GRIP1: variants seen among roughly 807,000 people sequenced by gnomAD.
GRIP1 encodes the protein glutamate receptor-interacting protein 1.
Under a neutral mutation model 129.9 loss-of-function variants are expected in GRIP1, and 45 were observed. The observed-to-expected ratio is 0.35, with a 90% CI of 0.27 to 0.44. The LOEUF (loss-of-function observed/expected upper bound fraction) is 0.44, where lower values mean the gene tolerates loss of function less well. GRIP1 is among the 20% of genes least tolerant of loss of function. The pLI, the probability that GRIP1 is intolerant of heterozygous loss-of-function variation, is 1.00. For missense variants in GRIP1, 1,196 were observed against 1,396.8 expected (o/e 0.86, Z 2.29); for synonymous variants, 530 against 520.8 (o/e 1.02, Z -0.24).
intron 1 of GRIP1, among the ~76,000 whole-genome samples, chr12:66,707,802 C>G (rs1229428769): frequency 6.6e-6 from 1 of 151,852 alleles, no homozygotes; most frequent in Non-Finnish European, 1.5e-5. Flanking sequence ...GAACAAGGTC[C>G]CATCAGTTTT....
intron 1 of GRIP1, among the ~76,000 whole-genome samples, chr12:67,043,417 A>T (rs1293589005): frequency 6.6e-6 from 1 of 152,172 alleles, no homozygotes; most frequent in East Asian, 1.9e-4. Context: ...AGACCGCAAA[A>T]GTGATCTACA....
At chr12:66,851,172 GC>G (rs1436233981) in intron 1 of GRIP1, among the ~76,000 whole-genome samples, 1 of 151,642 alleles carries the variant, frequency 6.6e-6, no homozygotes, top group Non-Finnish European at 1.5e-5. Context: ...GGGAATAGAG[GC>G]CATAGAGGTA....
intron 1 of GRIP1, among the ~76,000 whole-genome samples, chr12:66,916,006 T>C (rs1210333861): frequency 6.6e-6 from 1 of 152,090 alleles, no homozygotes; most frequent in African/African-American, 2.4e-5. Flanking sequence ...AAGCATGCTT[T>C]TGTTGGGGGC....
At chr12:67,004,234 T>A (rs1294064505) in intron 1 of GRIP1, among the ~76,000 whole-genome samples, 1 of 152,184 alleles carries the variant, frequency 6.6e-6, no homozygotes, top group Non-Finnish European at 1.5e-5. Context: ...ATGAGTACAG[T>A]ACGACACTTA....
intron 1 of GRIP1, among the ~76,000 whole-genome samples, chr12:66,684,652 C>G (rs1171925661): frequency 1.3e-5 from 2 of 152,120 alleles, no homozygotes; most frequent in African/African-American, 4.8e-5. Context: ...CAAGACCAGT[C>G]TGGCCAACAT....
intron 5 of GRIP1, among the ~76,000 whole-genome samples, chr12:66,527,882 G>C (rs2139072321): frequency 6.6e-6 from 1 of 151,934 alleles, no homozygotes; most frequent in East Asian, 1.9e-4. Flanking sequence ...TGATTACTTG[G>C]ATGACAAAAT....
At chr12:66,940,976 A>G (rs890251032) in intron 1 of GRIP1, among the ~76,000 whole-genome samples, 1 of 152,140 alleles carries the variant, frequency 6.6e-6, no homozygotes, top group African/African-American at 2.4e-5. Flanking sequence ...TTTTAGTTGA[A>G]TAAGTAGAAT....
chr12:66,350,122 C>T (rs2137056007), intron 24 of GRIP1, among the ~76,000 whole-genome samples: 1 of 152,252 alleles, frequency 6.6e-6, no homozygotes, highest in South Asian at 2.1e-4. Context: ...AGTTCTACAA[C>T]CCCACTTCGT....
At chr12:66,663,994 T>A (rs1310849822) in intron 1 of GRIP1, among the ~76,000 whole-genome samples, 1 of 152,176 alleles carries the variant, frequency 6.6e-6, no homozygotes, top group Non-Finnish European at 1.5e-5. Flanking sequence ...TATCACCAAA[T>A]AAATTGGGAA....
At chr12:66,500,195 T>C (rs544893955) in intron 7 of GRIP1, among the ~76,000 whole-genome samples, 1 of 152,196 alleles carries the variant, frequency 6.6e-6, no homozygotes, top group Admixed American at 6.5e-5. Context: ...ACAATAACCA[T>C]AGGAAGGAGC....
chr12:66,774,427 T>A (rs1304605641), intron 1 of GRIP1, among the ~76,000 whole-genome samples: 2 of 152,126 alleles, frequency 1.3e-5, no homozygotes, highest in African/African-American at 2.4e-5. Context: ...TGTTAAGAAG[T>A]GACTTAATGA....
intron 1 of GRIP1, among the ~76,000 whole-genome samples, chr12:66,707,503 T>TAAAAA (rs58564255): frequency 7.8e-5 from 5 of 64,006 alleles, no homozygotes; most frequent in African/African-American, 1.2e-4. Flanking sequence ...AATCACTGAC[T>TAAAAA]AAAAAAAAAA....
chr12:66,854,615 G>A, intron 1 of GRIP1, among the ~76,000 whole-genome samples: 1 of 151,946 alleles, frequency 6.6e-6, no homozygotes, highest in African/African-American at 2.4e-5. Context: ...GAGACTTAGA[G>A]AAATTAAGTG....
At chr12:66,414,366 A>G (rs1317005732) in intron 15 of GRIP1, among the ~76,000 whole-genome samples, 2 of 152,190 alleles carry the variant, frequency 1.3e-5, no homozygotes, top group Admixed American at 6.5e-5. Flanking sequence ...AGAATAAAAT[A>G]CCTAGGAATA....
At chr12:67,046,089 T>C (rs1438520830) in intron 1 of GRIP1, among the ~76,000 whole-genome samples, 1 of 152,184 alleles carries the variant, frequency 6.6e-6, no homozygotes, top group Non-Finnish European at 1.5e-5. Flanking sequence ...AGAATACAGC[T>C]GCCATTTTAT....
chr12:66,507,695 C>T (rs969559244), intron 7 of GRIP1, among the ~76,000 whole-genome samples: 3 of 152,086 alleles, frequency 2.0e-5, no homozygotes, highest in African/African-American at 7.2e-5. Flanking sequence ...AGATTAAAGG[C>T]GTATAAGTAA....
chr12:66,450,400 C>G (rs976825602), intron 11 of GRIP1, among the ~76,000 whole-genome samples: 11 of 147,282 alleles, frequency 7.5e-5, no homozygotes, highest in Non-Finnish European at 1.5e-4. Flanking sequence ...TATAGTGAAG[C>G]CTTCTCAAAG....
chr12:66,997,710 A>C (rs2042490198), intron 1 of GRIP1, among the ~76,000 whole-genome samples: 1 of 152,198 alleles, frequency 6.6e-6, no homozygotes. Context: ...AGACGGAAAA[A>C]GGAAAGAATC....
intron 1 of GRIP1, among the ~76,000 whole-genome samples, chr12:66,902,149 T>C (rs925323034): frequency 4.6e-5 from 7 of 152,154 alleles, no homozygotes; most frequent in African/African-American, 9.7e-5. Context: ...AATGAGATGA[T>C]ACACAGCAAG....
Sources: gnomAD v4.1 joint callset for allele counts (sites outside exome capture counted in the v4.1 genomes callset) on GRCh38, gnomAD v4.1.1 for gene constraint, MANE v1.5 for transcripts, NCBI Gene and HGNC (gene_info 2026-07-23, HGNC 2026-07-21) for gene names.